The following ZNF366 variants were observed in gnomAD, a reference collection of about 807,000 sequenced individuals.
The protein encoded by ZNF366 is zinc finger protein 366.
A neutral mutation model predicts 47.2 loss-of-function variants in ZNF366; 20 were observed. The ratio of observed to expected loss-of-function variants is 0.42; its 90% CI spans 0.30 to 0.62. The LOEUF (loss-of-function observed/expected upper bound fraction) is 0.62. Among genes scored for constraint, ZNF366 ranks in the 20% least tolerant of loss-of-function variants. The probability of loss-of-function intolerance (pLI) is 0.16; values close to 1 mark genes in which losing one functional copy is unlikely to be tolerated. For missense variants in ZNF366, 987 were observed against 976.3 expected (o/e 1.01, Z -0.15); for synonymous variants, 421 against 395.1 (o/e 1.07, Z -0.78).
rs1430362105 is a variant in ZNF366, at chr5:72,503,695, T to C, written c.-15+3556A>G. ...TGGATGAGAACAGCAGTGTTCTGAC[T>C]CCCAATCTGGTCTTTTTCTACTCCA... On this transcript the variant is annotated intron_variant, in intron 1 of 4. Transcript: ENST00000318442. Among the ~76,000 whole-genome samples the C allele has an allele frequency of 4.6e-5, 7 of 152,242 alleles. No individual in the cohort carries two copies. The South Asian group carries it at 1.4e-3, about 32-fold the overall frequency.
At position 72,443,676 on chromosome 5, in the gene ZNF366, A is replaced by G. The variant is rs920221002; in HGVS notation, c.*80T>C. 10 of 1,446,896 alleles carry G rather than the reference A, an allele frequency of 6.9e-6. No individual in the cohort carries two copies. Among genetic ancestry groups the G allele is most frequent in the Non-Finnish European group, 9.3e-6 (10 of 1,072,298 alleles). The allele number at this position is 1,446,896 out of a possible 1,614,324, so 89.6% of individuals were successfully genotyped here. On this transcript the variant is annotated 3_prime_UTR_variant, in exon 5 of 5. Coordinates refer to ENST00000318442, the MANE Select transcript of ZNF366 (RefSeq NM_152625.3). ...AGATTGGTACTATTCGCCAGTCTCC[A>G]GAAAATGACAGTTCATGCAGAAAGC...
In ZNF366 at chr5:72,461,317, G is replaced by A. The variant is rs1041882725; in HGVS notation, c.180C>T (p.Pro60=). ...CGGGGAACCCATCTAGGTCTCCTGGGGGAGGTTCATACCGAAACTGGGAAA... is the reference window on the plus strand; with the variant it reads ...CGGGGAACCCATCTAGGTCTCCTGGAGGAGGTTCATACCGAAACTGGGAAA... ...GPFSQFRYEP[P]PGDLDGFPGV... The change falls in exon 2 of 5, where the codon CCC becomes CCT. Residue 60 remains proline (P), a synonymous_variant. Transcript: ENST00000318442. The A allele has an allele frequency of 9.3e-6, 15 of 1,613,946 alleles. No homozygotes were observed. The Admixed American group carries it at 2.5e-4, about 27-fold the overall frequency.
Position 72,441,713 on chromosome 5 carries a change from C to T in ZNF366, c.*2043G>A, listed in dbSNP as rs1384600228. On this transcript the variant is annotated 3_prime_UTR_variant, in exon 5 of 5. Transcript: ENST00000318442. Reference sequence around the variant, plus strand: ...ACCTTGGCCTACAGAAAAGGCCAGCCCCCAGCAGTTGGAGATGGACATGTC... The same window carrying T: ...ACCTTGGCCTACAGAAAAGGCCAGCTCCCAGCAGTTGGAGATGGACATGTC... 1.3e-5 allele frequency: 2 copies of T among 152,278 alleles called. No individual in the cohort carries two copies. The highest frequency in any genetic ancestry group is 2.9e-5 in the Non-Finnish European group (2 of 68,142). The allele number at this position is 152,278 out of a possible 1,614,324, so 9.4% of individuals were successfully genotyped here. A position where few individuals can be genotyped will look rare whatever the true frequency, so the allele number is the denominator to read the frequency against.
chr5:72,503,964 A>C (rs114796424), intron 1 of ZNF366, among the ~76,000 whole-genome samples: 2,268 of 152,346 alleles, frequency 0.015, 25 homozygotes, highest in Non-Finnish European at 0.025. Flanking sequence ...TTATTACTTG[A>C]CAAACTAACG....
Position 72,440,508 on chromosome 5 carries a change from C to T in ZNF366, c.*3248G>A, listed in dbSNP as rs1448761012. On this transcript the variant is annotated 3_prime_UTR_variant, in exon 5 of 5. Coordinates refer to ENST00000318442, the MANE Select transcript of ZNF366 (RefSeq NM_152625.3). ...TTTCAGAGTCTCACAATATGATATT[C>T]TGGTTTTGGAATGCTGGTAATCTTG... 1 of 152,190 alleles carries T rather than the reference C, an allele frequency of 6.6e-6. No homozygotes were observed. The highest frequency in any genetic ancestry group is 1.5e-5 in the Non-Finnish European group (1 of 68,030). The allele number at this position is 152,190 out of a possible 1,614,324, so 9.4% of individuals were successfully genotyped here. A position where few individuals can be genotyped will look rare whatever the true frequency, so the allele number is the denominator to read the frequency against.
intron 1 of ZNF366, among the ~76,000 whole-genome samples, chr5:72,466,713 T>C (rs1188954430): frequency 6.6e-6 from 1 of 152,244 alleles, no homozygotes; most frequent in Admixed American, 6.5e-5. Flanking sequence ...TAATTTTATC[T>C]TGTGTTATTT....
chr5:72,476,923 C>T (rs1382331104), intron 1 of ZNF366, among the ~76,000 whole-genome samples: 10 of 151,812 alleles, frequency 6.6e-5, no homozygotes, highest in Admixed American at 1.3e-4. Flanking sequence ...TCTGAAAGGT[C>T]GGGCTGTGGG....
At chr5:72,453,054 C>G (rs1561190945) in intron 3 of ZNF366, among the ~76,000 whole-genome samples, 1 of 152,184 alleles carries the variant, frequency 6.6e-6, no homozygotes, top group South Asian at 2.1e-4. Flanking sequence ...GGAATGGAAA[C>G]CTTTCCTCTC....
Position 72,484,943 on chromosome 5 carries a change from C to T in ZNF366, c.-15+22308G>A, listed in dbSNP as rs554690113. Among the ~76,000 whole-genome samples, 4 of 146,516 alleles carry T rather than the reference C, an allele frequency of 2.7e-5. No homozygotes were observed. The South Asian group carries it at 9.4e-4, about 35-fold the overall frequency. ...CATAGAAGGACCTATATTTCCAGTG[C>T]TTTGTTCATGACTTTAAAATGTGTG... On this transcript the variant is annotated intron_variant, in intron 1 of 4. Coordinates refer to ENST00000318442, the MANE Select transcript of ZNF366 (RefSeq NM_152625.3).
intron 1 of ZNF366, among the ~76,000 whole-genome samples, chr5:72,480,159 A>G (rs1743763955): frequency 6.6e-6 from 1 of 152,232 alleles, no homozygotes; most frequent in African/African-American, 2.4e-5. Context: ...ACATTTTCCA[A>G]ATCAGTGTGA....
intron 1 of ZNF366, among the ~76,000 whole-genome samples, chr5:72,467,615 T>G (rs1188061471): frequency 6.6e-6 from 1 of 152,256 alleles, no homozygotes; most frequent in Non-Finnish European, 1.5e-5. Flanking sequence ...TGAGCCAGCA[T>G]GCCAGGGGCA....
chr5:72,469,784 G>A (rs928813045), intron 1 of ZNF366, among the ~76,000 whole-genome samples: 13 of 152,268 alleles, frequency 8.5e-5, no homozygotes, highest in Admixed American at 5.2e-4. Context: ...AGTGGCTCAC[G>A]CCTGTAATCC....
chr5:72,483,968 A>T (rs1294632318), intron 1 of ZNF366, among the ~76,000 whole-genome samples: 1 of 152,198 alleles, frequency 6.6e-6, no homozygotes, highest in African/African-American at 2.4e-5. Flanking sequence ...AAACTATGAA[A>T]GTAGACAGAA....
chr5:72,473,711 G>A (rs1204808703), intron 1 of ZNF366, among the ~76,000 whole-genome samples: 2 of 152,106 alleles, frequency 1.3e-5, no homozygotes, highest in Middle Eastern at 3.2e-3. Flanking sequence ...CAAATCCTAT[G>A]ACATTAAACC....
chr5:72,489,233 A>G (rs1743957622), intron 1 of ZNF366, among the ~76,000 whole-genome samples: 1 of 152,222 alleles, frequency 6.6e-6, no homozygotes, highest in African/African-American at 2.4e-5. Context: ...AGAAAAAAAA[A>G]AAGAAATAGT....
intron 1 of ZNF366, among the ~76,000 whole-genome samples, chr5:72,471,060 C>T (rs1351350859): frequency 2.0e-5 from 3 of 152,222 alleles, no homozygotes; most frequent in African/African-American, 7.2e-5. Flanking sequence ...ACCCACATTC[C>T]TGCAAATACA....
chr5:72,444,058 G>C lies in ZNF366; in HGVS notation c.1933C>G (p.Pro645Ala). The C allele has an allele frequency of 6.2e-7, 1 of 1,614,188 alleles. No individual in the cohort carries two copies. The highest frequency in any genetic ancestry group is 2.2e-5 in the East Asian group (1 of 44,878). ...LAPQSQQLCT[P>A]EDLSTKSEHA... is the part of the protein sequence containing the mutation. ...TCCGACTTGGTGGACAGATCCTCGGGTGTGCAGAGCTGCTGGCTCTGGGGG... is the reference window on the plus strand; with the variant it reads ...TCCGACTTGGTGGACAGATCCTCGGCTGTGCAGAGCTGCTGGCTCTGGGGG... Residue 645 changes from proline (P) to alanine (A), a missense_variant, in exon 5 of 5, where the codon CCC (proline) becomes GCC (alanine). By Grantham distance (27) the Pro-to-Ala change is conservative (BLOSUM62 -1). Around this residue, in one of 3 missense-constraint regions of ZNF366, gnomAD observed 285 missense variants for 234.8 expected, o/e 1.21. Transcript: ENST00000318442.
chr5:72,484,166 T>C (rs887541244), intron 1 of ZNF366, among the ~76,000 whole-genome samples: 2 of 152,162 alleles, frequency 1.3e-5, no homozygotes, highest in Admixed American at 6.5e-5. Context: ...TTAGCCACAA[T>C]AGTATATTAT....
At chr5:72,453,964 C>T (rs1015358216) in intron 3 of ZNF366, among the ~76,000 whole-genome samples, 2 of 152,216 alleles carry the variant, frequency 1.3e-5, no homozygotes, top group African/African-American at 4.8e-5. Flanking sequence ...CTAGTGAGGT[C>T]TCCTGAGAGG....
Sources: gnomAD v4.1 joint callset for allele counts (sites outside exome capture counted in the v4.1 genomes callset) on GRCh38, gnomAD v4.1.1 for gene constraint, gnomAD v4.1.1 regional missense constraint, MANE v1.5 for transcripts, NCBI Gene and HGNC (gene_info 2026-07-23, HGNC 2026-07-21) for gene names.